The following TECRL variants were observed in gnomAD, a reference collection of about 807,000 sequenced individuals.
TECRL encodes trans-2,3-enoyl-CoA reductase-like.
Under a neutral mutation model 52.8 loss-of-function variants are expected in TECRL, and 63 were observed. The observed-to-expected ratio is 1.19, with a 90% CI of 0.97 to 1.47. The LOEUF (loss-of-function observed/expected upper bound fraction) is 1.47, where lower values mean the gene tolerates loss of function less well. Among genes scored for constraint, TECRL ranks in the 40% most tolerant of loss-of-function variants. The pLI is 0.00. For missense variants in TECRL, 482 were observed against 429.6 expected (o/e 1.12, Z -1.08); for synonymous variants, 164 against 141.9 (o/e 1.16, Z -1.10).
At chr4:64,347,691 T>C (rs573231761) in intron 2 of TECRL, among the ~76,000 whole-genome samples, 2 of 152,172 alleles carry the variant, frequency 1.3e-5, no homozygotes, top group Non-Finnish European at 2.9e-5. Context: ...TCATTCACTA[T>C]CATAAGAACA....
intron 2 of TECRL, among the ~76,000 whole-genome samples, chr4:64,364,527 A>T (rs963482389): frequency 2.6e-5 from 4 of 151,998 alleles, no homozygotes; most frequent in African/African-American, 9.7e-5. Context: ...ATAATGAAGA[A>T]CAAAAGAGAG....
At chr4:64,370,101 T>A (rs937174875) in intron 2 of TECRL, among the ~76,000 whole-genome samples, 1 of 151,868 alleles carries the variant, frequency 6.6e-6, no homozygotes, top group African/African-American at 2.4e-5. Flanking sequence ...TGGAGAAAGG[T>A]ATAGGAATAC....
intron 9 of TECRL, among the ~76,000 whole-genome samples, chr4:64,282,902 A>G (rs1722897072): frequency 6.6e-6 from 1 of 152,052 alleles, no homozygotes; most frequent in African/African-American, 2.4e-5. Context: ...TAGTTATTAT[A>G]ATAGAGCTTC....
intron 2 of TECRL, among the ~76,000 whole-genome samples, chr4:64,332,014 T>A (rs2110052651): frequency 6.6e-6 from 1 of 152,242 alleles, no homozygotes; most frequent in South Asian, 2.1e-4. Context: ...AAATATTTTA[T>A]CAAAATCTCC....
chr4:64,385,779 A>C (rs1723139431), intron 1 of TECRL, among the ~76,000 whole-genome samples: 1 of 152,188 alleles, frequency 6.6e-6, no homozygotes, highest in South Asian at 2.1e-4. Context: ...TGTGGACTCC[A>C]GGCAGCTCCT....
chr4:64,361,442 A>T (rs1427030644), intron 2 of TECRL, among the ~76,000 whole-genome samples: 1 of 151,896 alleles, frequency 6.6e-6, no homozygotes, highest in Non-Finnish European at 1.5e-5. Context: ...CTACTGAAAA[A>T]TTTTTCATGC....
chr4:64,401,162 T>C (rs10029393), intron 1 of TECRL, among the ~76,000 whole-genome samples: 103,948 of 151,990 alleles, frequency 0.68, 36,708 homozygotes, highest in Non-Finnish European at 0.79. Flanking sequence ...ATTTAATTTC[T>C]GAAAGGCAGA....
At position 64,333,739 on chromosome 4, in the gene TECRL, G is replaced by GT. The variant is rs1718818259; in HGVS notation, c.287-5184_287-5183insA. ...GTGTCATGGCATGAGAGAATGTCCTGGCCGGGCGCGGTGGCTCACGCCTGT... is the reference window on the plus strand; with the variant it reads ...GTGTCATGGCATGAGAGAATGTCCTGTGCCGGGCGCGGTGGCTCACGCCTGT... On this transcript the variant is annotated intron_variant, in intron 2 of 11. Transcript: ENST00000381210. 6.5e-4 allele frequency among the ~76,000 whole-genome samples: 98 copies of GT among 149,672 alleles called. 3 individuals are homozygous for GT. The highest frequency in any genetic ancestry group is 1.5e-3 in the African/African-American group (58 of 39,678).
chr4:64,354,129 G>A (rs776420502), intron 2 of TECRL, among the ~76,000 whole-genome samples: 11 of 152,104 alleles, frequency 7.2e-5, no homozygotes, highest in Non-Finnish European at 1.6e-4. Flanking sequence ...TACTGACAAA[G>A]AACACCATTT....
chr4:64,338,095 T>C (rs984305448), intron 2 of TECRL, among the ~76,000 whole-genome samples: 1 of 152,004 alleles, frequency 6.6e-6, no homozygotes, highest in Non-Finnish European at 1.5e-5. Flanking sequence ...TATAGACCAA[T>C]GGAACAGAAC....
At chr4:64,296,510 A>T (rs1723689919) in intron 8 of TECRL, among the ~76,000 whole-genome samples, 1 of 151,792 alleles carries the variant, frequency 6.6e-6, no homozygotes. Flanking sequence ...TTTGTAAGCC[A>T]TATCTTATAT....
intron 2 of TECRL, among the ~76,000 whole-genome samples, chr4:64,373,405 A>T (rs759826451): frequency 5.9e-4 from 89 of 151,958 alleles, no homozygotes; most frequent in Admixed American, 1.1e-3. Context: ...CTTTTGCAAC[A>T]GGACATTTCT....
chr4:64,325,291 G>T (rs750638209), intron 3 of TECRL, among the ~76,000 whole-genome samples: 1 of 152,186 alleles, frequency 6.6e-6, no homozygotes, highest in Non-Finnish European at 1.5e-5. Flanking sequence ...CACCCTTTCT[G>T]CAGAAAGTAA....
At chr4:64,366,613 G>A (rs1396737423) in intron 2 of TECRL, among the ~76,000 whole-genome samples, 1 of 152,006 alleles carries the variant, frequency 6.6e-6, no homozygotes, top group African/African-American at 2.4e-5. Context: ...AACGTTAATA[G>A]ACATGTAAAA....
chr4:64,409,133 T>C lies in TECRL; in HGVS notation c.219A>G (p.Ile73Met). The change falls in exon 1 of 12, where the codon ATA becomes ATG. Residue 73 changes from isoleucine (I) to methionine (M), a missense_variant. Ile to Met is a conservative substitution (Grantham distance 10, BLOSUM62 1). Coordinates refer to ENST00000381210, the MANE Select transcript of TECRL (RefSeq NM_001010874.5). ...ATAAACTCACCTTATCCAGAATACA[T>C]ATCTGTTTCCTTGTTTGAGCATCAA... ...EIFDAQTRKQ[I>M]CILDKVTQSS... The C allele has an allele frequency of 6.2e-7, 1 of 1,610,206 alleles. No individual in the cohort carries two copies.
intron 1 of TECRL, among the ~76,000 whole-genome samples, chr4:64,399,783 C>T (rs368188673): frequency 2.6e-5 from 4 of 152,172 alleles, no homozygotes; most frequent in Admixed American, 6.5e-5. Context: ...TAGATTTCAG[C>T]GGATATATGA....
intron 7 of TECRL, among the ~76,000 whole-genome samples, chr4:64,300,574 T>C (rs942978297): frequency 6.6e-6 from 1 of 150,954 alleles, no homozygotes; most frequent in African/African-American, 2.4e-5. Flanking sequence ...AGCAATGTTC[T>C]AAAGGCAGGG....
At chr4:64,401,681 T>C (rs1724369303) in intron 1 of TECRL, among the ~76,000 whole-genome samples, 1 of 152,180 alleles carries the variant, frequency 6.6e-6, no homozygotes, top group Admixed American at 6.6e-5. Flanking sequence ...ATCTAAACTA[T>C]TTGAATAACA....
downstream of TECRL, among the ~76,000 whole-genome samples, chr4:64,277,289 G>A (rs1031191975): frequency 6.6e-6 from 1 of 151,794 alleles, no homozygotes; most frequent in African/African-American, 2.4e-5. Context: ...GTTACTATTT[G>A]TCAGGATCGA....
Sources: allele counts gnomAD v4.1 joint callset (sites outside exome capture counted in the v4.1 genomes callset), GRCh38; gene constraint gnomAD v4.1.1; transcripts MANE v1.5; gene names NCBI Gene and HGNC (gene_info 2026-07-23, HGNC 2026-07-21).